MED27: variants seen among roughly 807,000 people sequenced by gnomAD.
The protein encoded by MED27 is mediator of RNA polymerase II transcription subunit 27.
A neutral mutation model predicts 38.2 loss-of-function variants in MED27; 30 were observed. The ratio of observed to expected loss-of-function variants is 0.79; its 90% CI spans 0.59 to 1.07. The LOEUF (loss-of-function observed/expected upper bound fraction) is 1.07. MED27 is among the 50% of genes least tolerant of loss of function. MED27 has a pLI of 0.00. For synonymous variants in MED27, 122 were observed against 153.5 expected (o/e 0.79, Z 1.52); for missense variants, 289 against 397.5 (o/e 0.73, Z 2.32).
chr9:132,023,228 T>G (rs576749265), intron 2 of MED27, among the ~76,000 whole-genome samples: 5 of 152,330 alleles, frequency 3.3e-5, no homozygotes, highest in Admixed American at 1.3e-4. Flanking sequence ...AACAGATGGT[T>G]TTCAACTAAG....
In MED27 at chr9:131,997,085, T is replaced by C. The variant is rs1452991355; in HGVS notation, c.479+17252A>G. 3.9e-5 allele frequency among the ~76,000 whole-genome samples: 6 copies of C among 152,154 alleles called. No homozygotes were observed. The East Asian group carries it at 5.8e-4, about 15-fold the overall frequency. ...ACTGTAGTTTAACAGTGGGTATTCA[T>C]TGTAAAAAATAAAATTAAAATTAAA... On this transcript the variant is annotated intron_variant, in intron 3 of 7. Transcript: ENST00000292035. The surrounding 1 kb of genome is among the most constrained non-coding windows in gnomAD (Gnocchi z 4.0).
chr9:132,004,901 G>A (rs1832325140), intron 3 of MED27, among the ~76,000 whole-genome samples: 1 of 152,188 alleles, frequency 6.6e-6, no homozygotes, highest in Admixed American at 6.5e-5. Context: ...AGACTAGGCC[G>A]TAAAAGAGAC....
At chr9:131,863,173 C>T in intron 6 of MED27, 33 bp from the exon 7 acceptor site, 2 of 1,590,698 alleles carry the variant, frequency 1.3e-6, no homozygotes, top group South Asian at 2.2e-5. Context: ...AGTTAGCGGC[C>T]ACTCCAAGCT....
At chr9:131,979,843 CT>C (rs1335826693) in intron 3 of MED27, among the ~76,000 whole-genome samples, 1 of 151,816 alleles carries the variant, frequency 6.6e-6, no homozygotes, top group African/African-American at 2.4e-5. Flanking sequence ...GGCTGGCTGG[CT>C]GGCTGGCTGG....
At chr9:131,896,001 C>T (rs966355099) in intron 4 of MED27, among the ~76,000 whole-genome samples, 1 of 151,912 alleles carries the variant, frequency 6.6e-6, no homozygotes, top group East Asian at 1.9e-4. Context: ...CAGGTTCAAG[C>T]GATTCTCCTG....
chr9:131,977,359 T>C (rs182298737), intron 3 of MED27, among the ~76,000 whole-genome samples: 2 of 152,350 alleles, frequency 1.3e-5, no homozygotes, highest in African/African-American at 2.4e-5. Flanking sequence ...TTACCACTTG[T>C]CATTACTACT....
intron 6 of MED27, among the ~76,000 whole-genome samples, chr9:131,866,100 C>T (rs1838732710): frequency 6.6e-6 from 1 of 152,196 alleles, no homozygotes; most frequent in African/African-American, 2.4e-5. Flanking sequence ...CAACAAGACC[C>T]TGCACTCCCA....
chr9:132,056,330 C>T (rs1276650798), intron 2 of MED27, among the ~76,000 whole-genome samples: 6 of 152,302 alleles, frequency 3.9e-5, no homozygotes, highest in African/African-American at 1.4e-4. Flanking sequence ...CAGGGAAAAG[C>T]AGCAGCAAAC....
rs193056185 is a variant in MED27, at chr9:131,933,599, T to A, written c.573+5782A>T. ...AATGAAAACTATAAAACTCTCATAA[T>A]GAAAACTATAAAACACTGATAGAAG... On this transcript the variant is annotated intron_variant, in intron 4 of 7. Transcript: ENST00000292035. Among the ~76,000 whole-genome samples, 608 of 151,956 alleles carry A rather than the reference T, an allele frequency of 4.0e-3. 19 individuals are homozygous for A. The highest frequency in any genetic ancestry group is 0.038 in the Admixed American group (573 of 15,256).
intron 2 of MED27, among the ~76,000 whole-genome samples, chr9:132,015,514 G>T (rs1832581974): frequency 6.6e-6 from 1 of 152,186 alleles, no homozygotes; most frequent in Admixed American, 6.5e-5. Flanking sequence ...CATTTAAAGT[G>T]AACAGTTTAA....
chr9:131,967,052 G>A (rs1400119476), intron 3 of MED27, among the ~76,000 whole-genome samples: 1 of 152,262 alleles, frequency 6.6e-6, no homozygotes, highest in Non-Finnish European at 1.5e-5. Context: ...TGCATGTAAT[G>A]TGCTTGGCAC....
chr9:131,915,934 G>T (rs1830279512), intron 4 of MED27, among the ~76,000 whole-genome samples: 1 of 152,216 alleles, frequency 6.6e-6, no homozygotes, highest in African/African-American at 2.4e-5. Context: ...TTACGATGAT[G>T]ATAAGAATGA....
rs139639747 is a variant in MED27, at chr9:132,025,794, T to C, written c.349-11327A>G. ...AGAACATGAAAAGGGCTCAGCAAAG[T>C]GGCTGGCACAAAGCACACATTCAAT... On this transcript the variant is annotated intron_variant, in intron 2 of 7. Coordinates refer to ENST00000292035, the MANE Select transcript of MED27 (RefSeq NM_004269.4). Among the ~76,000 whole-genome samples, 555 of 152,290 alleles carry C rather than the reference T, an allele frequency of 3.6e-3. 1 individual carries two copies. The highest frequency in any genetic ancestry group is 0.013 in the African/African-American group (521 of 41,552).
intron 3 of MED27, among the ~76,000 whole-genome samples, chr9:131,996,157 C>T (rs983672706): frequency 2.0e-5 from 3 of 152,192 alleles, no homozygotes; most frequent in African/African-American, 4.8e-5. Flanking sequence ...AGAAGAGTCA[C>T]CATCTTGCCA....
At chr9:131,961,822 T>C (rs1325530881) in intron 3 of MED27, among the ~76,000 whole-genome samples, 1 of 152,196 alleles carries the variant, frequency 6.6e-6, no homozygotes, top group Admixed American at 6.5e-5. Context: ...CTCTGAAAGA[T>C]GACAATATGT....
chr9:132,062,289 A>T (rs1217267048), intron 2 of MED27, among the ~76,000 whole-genome samples: 2 of 152,270 alleles, frequency 1.3e-5, no homozygotes, highest in African/African-American at 4.8e-5. Context: ...AGCATGAATC[A>T]GGCCATGATG....
intron 3 of MED27, among the ~76,000 whole-genome samples, chr9:131,971,475 G>C (rs888108883): frequency 6.6e-6 from 1 of 152,240 alleles, no homozygotes; most frequent in South Asian, 2.1e-4. Flanking sequence ...CGAATGTGAT[G>C]AGAAGCCACT....
chr9:131,925,132 T>A (rs1830459650), intron 4 of MED27, among the ~76,000 whole-genome samples: 1 of 152,226 alleles, frequency 6.6e-6, no homozygotes, highest in African/African-American at 2.4e-5. Context: ...ACCACTGTCC[T>A]AAACCAAGCA....
At chr9:131,912,745 CA>C (rs1377123661) in intron 4 of MED27, among the ~76,000 whole-genome samples, 1 of 152,182 alleles carries the variant, frequency 6.6e-6, no homozygotes, top group Non-Finnish European at 1.5e-5. Context: ...TCTGAAAACC[CA>C]GTCTTGTAAC....
Sources: gnomAD v4.1 joint callset for allele counts (sites outside exome capture counted in the v4.1 genomes callset) on GRCh38, gnomAD v4.1.1 for gene constraint, Gnocchi (gnomAD v3.1) non-coding constraint, MANE v1.5 for transcripts, NCBI Gene and HGNC (gene_info 2026-07-23, HGNC 2026-07-21) for gene names.